ELAC2: variants seen among roughly 807,000 people sequenced by gnomAD.
ELAC2 encodes the protein elaC ribonuclease Z 2, also known as zinc phosphodiesterase ELAC protein 2.
A neutral mutation model predicts 105.2 loss-of-function variants in ELAC2; 92 were observed. The ratio of observed to expected loss-of-function variants is 0.87; its 90% confidence interval spans 0.74 to 1.04. ELAC2 has a LOEUF of 1.04. ELAC2 is among the 50% of genes least tolerant of loss of function. ELAC2 has a pLI of 0.00. For missense variants in ELAC2, 1,099 were observed against 1,071.7 expected (o/e 1.03, Z -0.36); for synonymous variants, 468 against 409.1 (o/e 1.14, Z -1.74).
intron 1 of ELAC2, chr17:13,017,434 T>TGGAGCTCCGA (rs2041805805): frequency 1.5e-6 from 1 of 665,384 alleles, no homozygotes; most frequent in Admixed American, 2.9e-5. Flanking sequence ...CGGAAGAGGG[T>TGGAGCTCCGA]GGAGCTCCGA....
intron 19 of ELAC2, 127 bp from the exon 20 acceptor site, chr17:12,995,189 A>G: frequency 9.8e-7 from 1 of 1,023,260 alleles, no homozygotes; most frequent in Non-Finnish European, 1.5e-6. Context: ...AATCATAGTC[A>G]CTATGATGAG....
intron 18 of ELAC2, 35 bp from the exon 19 acceptor site, chr17:12,995,847 A>G (rs961918641): frequency 2.5e-6 from 4 of 1,590,572 alleles, no homozygotes; most frequent in Non-Finnish European, 3.4e-6. Flanking sequence ...ACTCGACGAC[A>G]GAACATCTCA....
chr17:12,992,862 C>A lies in ELAC2; in HGVS notation c.2437G>T (p.Ala813Ser). Residue 813 changes from alanine to serine, a missense_variant, in exon 24 of 24, where the codon GCC (alanine) becomes TCC (serine). Physicochemically the swap from Ala to Ser is moderately conservative, Grantham distance 99 (BLOSUM62 1). Transcript: ENST00000338034. ...TTGGCCTGTGGCTCCTCTGTGTGGGCCCGCTTCTGCTGAGGCTCCCCATCC... is the reference window on the plus strand; with the variant it reads ...TTGGCCTGTGGCTCCTCTGTGTGGGACCGCTTCTGCTGAGGCTCCCCATCC... The part of the protein sequence containing the change: ...LEDGEPQQKR[A>S]HTEEPQAKKV... 6.2e-7 allele frequency: 1 copy of A among 1,613,538 alleles called. No individual in the cohort carries two copies. The highest frequency in any genetic ancestry group is 1.1e-5 in the South Asian group (1 of 91,078).
chr17:13,003,408 G>C (rs543150754), intron 12 of ELAC2, 71 bp downstream of exon 12: 32 of 1,398,130 alleles, frequency 2.3e-5, no homozygotes, highest in Non-Finnish European at 3.1e-5. Flanking sequence ...GAAAGAGCAC[G>C]AGGGGAGGAA....
At chr17:13,014,562 TA>T in intron 4 of ELAC2, 66 bp from the exon 5 acceptor site, 1 of 1,186,314 alleles carries the variant, frequency 8.4e-7, no homozygotes, top group Non-Finnish European at 1.3e-6. Context: ...ACTATTCAAG[TA>T]TTTAAAAGGT....
At chr17:13,003,404 G>A (rs2040930532) in intron 12 of ELAC2, 75 bp downstream of exon 12, 10 of 1,372,804 alleles carry the variant, frequency 7.3e-6, no homozygotes, top group Non-Finnish European at 1.0e-5. Context: ...GCTGGAAAGA[G>A]CACGAGGGGA....
chr17:13,006,265 G>A, intron 8 of ELAC2: 1 of 410,008 alleles, frequency 2.4e-6, no homozygotes, highest in South Asian at 2.2e-5. Flanking sequence ...AGCAACTCAG[G>A]AAGCTGAGGC....
At chr17:13,006,369 C>CAA in intron 8 of ELAC2, 6 of 179,112 alleles carry the variant, frequency 3.3e-5, no homozygotes, top group South Asian at 1.9e-4. Flanking sequence ...AAGTCTGTCT[C>CAA]AAAAAAAAAA....
At chr17:12,999,664 G>A (rs1188262614) in intron 15 of ELAC2, among the ~76,000 whole-genome samples, 1 of 63,700 alleles carries the variant, frequency 1.6e-5, no homozygotes, top group Non-Finnish European at 3.5e-5. Flanking sequence ...CAGGAATTGG[G>A]ATTTTTTTTT....
intron 3 of ELAC2, 28 bp downstream of exon 3, chr17:13,016,833 GC>G: frequency 6.2e-7 from 1 of 1,606,974 alleles, no homozygotes; most frequent in Non-Finnish European, 8.5e-7. Flanking sequence ...CTTCCCACCA[GC>G]CTCTGACACT....
intron 19 of ELAC2, 110 bp downstream of exon 19, chr17:12,995,593 G>T: frequency 9.1e-7 from 1 of 1,096,212 alleles, no homozygotes; most frequent in Non-Finnish European, 1.3e-6. Context: ...ACCATGTCAA[G>T]GGCAAGGCTG....
At chr17:13,007,435 G>C (rs2041171294) in intron 8 of ELAC2, among the ~76,000 whole-genome samples, 1 of 152,180 alleles carries the variant, frequency 6.6e-6, no homozygotes, top group Non-Finnish European at 1.5e-5. Flanking sequence ...TATCATCCTA[G>C]ATGAAGGATT....
At position 13,002,309 on chromosome 17, in the gene ELAC2, G is replaced by C. The variant is rs760922015; in HGVS notation, c.1269C>G (p.Leu423=). Residue 423 remains leucine, a synonymous_variant, in exon 14 of 24, where the codon CTC becomes CTG. Transcript: ENST00000338034. ...CCCTCCTGGGACGGAGCTGGTACTT[G>C]AGGAGGCATTCACCCTGAACCATGG... The part of the protein sequence containing the change: ...SVPMVQGECL[L]KYQLRPRREW... 1 of 1,614,190 alleles carries C rather than the reference G, an allele frequency of 6.2e-7. No homozygotes were observed. Among genetic ancestry groups the C allele is most frequent in the East Asian group, 2.2e-5 (1 of 44,878 alleles).
chr17:13,014,633 A>T (rs548513660), intron 4 of ELAC2, 137 bp from the exon 5 acceptor site: 2 of 730,952 alleles, frequency 2.7e-6, no homozygotes, highest in East Asian at 2.6e-5. Flanking sequence ...CATTTATTAC[A>T]AATATTTACT....
intron 8 of ELAC2, among the ~76,000 whole-genome samples, chr17:13,006,938 G>A (rs1472149125): frequency 1.3e-5 from 2 of 152,024 alleles, no homozygotes; most frequent in South Asian, 2.1e-4. Context: ...TGGCTAAGAC[G>A]GTGAATCCCT....
chr17:13,011,372 T>G (rs2041401550), intron 7 of ELAC2, among the ~76,000 whole-genome samples: 1 of 152,170 alleles, frequency 6.6e-6, no homozygotes, highest in Non-Finnish European at 1.5e-5. Flanking sequence ...AAATACAAAA[T>G]GAATCCGTTT....
chr17:13,002,971 C>T (rs976893612), intron 12 of ELAC2, among the ~76,000 whole-genome samples: 23 of 152,254 alleles, frequency 1.5e-4, no homozygotes, highest in Admixed American at 1.4e-3. Context: ...ACCCCGCACC[C>T]GAGCTCAACT....
At chr17:13,003,668 C>G in intron 11 of ELAC2, 94 bp from the exon 12 acceptor site, 1 of 1,052,812 alleles carries the variant, frequency 9.5e-7, no homozygotes, top group East Asian at 2.5e-5. Context: ...GTGCGGCCCT[C>G]TGCAGCACTG....
At chr17:13,002,673 G>A in intron 12 of ELAC2, 94 bp from the exon 13 acceptor site, 2 of 1,540,378 alleles carry the variant, frequency 1.3e-6, no homozygotes, top group Non-Finnish European at 1.8e-6. Context: ...ATGAGGATGA[G>A]GTGTTCAAAC....
Sources: allele counts gnomAD v4.1 joint callset (sites outside exome capture counted in the v4.1 genomes callset), GRCh38; gene constraint gnomAD v4.1.1; transcripts MANE v1.5; gene names NCBI Gene and HGNC (gene_info 2026-07-23, HGNC 2026-07-21).